CNTN5: variants seen among roughly 807,000 people sequenced by gnomAD.
CNTN5 encodes the protein contactin 5, also known as contactin-5.
A neutral mutation model predicts 129.1 loss-of-function variants in CNTN5; 77 were observed. The observed-to-expected ratio is 0.60, with a 90% confidence interval of 0.50 to 0.72. The LOEUF (loss-of-function observed/expected upper bound fraction) is 0.72, where lower values mean the gene tolerates loss of function less well. Among genes scored for constraint, CNTN5 ranks in the 30% least tolerant of loss-of-function variants. The pLI is 0.00. For missense variants in CNTN5, 1,478 were observed against 1,328.8 expected (o/e 1.11, Z -1.75); for synonymous variants, 509 against 465.6 (o/e 1.09, Z -1.20).
intron 2 of CNTN5, among the ~76,000 whole-genome samples, chr11:99,325,759 G>A (rs992414699): frequency 2.0e-5 from 3 of 152,244 alleles, no homozygotes; most frequent in South Asian, 4.1e-4. Flanking sequence ...TTGATATGAG[G>A]ATGGCAAGTA....
chr11:100,160,304 G>C (rs370136932), intron 13 of CNTN5, among the ~76,000 whole-genome samples: 1 of 151,806 alleles, frequency 6.6e-6, no homozygotes, highest in African/African-American at 2.4e-5. Context: ...CCACATTTTC[G>C]TTATCCAGTC....
chr11:100,021,866 C>G (rs1941170493), intron 9 of CNTN5, among the ~76,000 whole-genome samples: 1 of 152,116 alleles, frequency 6.6e-6, no homozygotes, highest in African/African-American at 2.4e-5. Flanking sequence ...CGTGTAGGAA[C>G]AAGAGTTAAA....
At chr11:99,060,194 A>G (rs567999539) in intron 1 of CNTN5, among the ~76,000 whole-genome samples, 18 of 152,136 alleles carry the variant, frequency 1.2e-4, no homozygotes, top group African/African-American at 4.3e-4. Flanking sequence ...GAAATATGGA[A>G]TTTTATTTTG....
chr11:100,282,974 C>T (rs1277794640), intron 18 of CNTN5, among the ~76,000 whole-genome samples: 1 of 151,964 alleles, frequency 6.6e-6, no homozygotes, highest in African/African-American at 2.4e-5. Context: ...AGAACTCACC[C>T]TTCAGGGCAA....
intron 15 of CNTN5, among the ~76,000 whole-genome samples, chr11:100,218,406 G>A (rs981544468): frequency 1.3e-5 from 2 of 152,162 alleles, no homozygotes; most frequent in African/African-American, 2.4e-5. Context: ...CCAGCTCCTC[G>A]ATATTTATCT....
At chr11:100,103,784 T>C (rs766473264) in intron 13 of CNTN5, among the ~76,000 whole-genome samples, 1 of 152,108 alleles carries the variant, frequency 6.6e-6, no homozygotes, top group Non-Finnish European at 1.5e-5. Flanking sequence ...CCTCTTCAGT[T>C]TGGGGGAAAT....
intron 1 of CNTN5, among the ~76,000 whole-genome samples, chr11:99,039,010 A>G (rs10892672): frequency 0.35 from 52,754 of 151,850 alleles, 10,917 homozygotes; most frequent in East Asian, 0.56. Flanking sequence ...CTAAAATGTC[A>G]TATTTCTGTA....
chr11:99,135,996 G>T (rs2135448074), intron 1 of CNTN5, among the ~76,000 whole-genome samples: 1 of 152,218 alleles, frequency 6.6e-6, no homozygotes, highest in African/African-American at 2.4e-5. Flanking sequence ...TTTTTCATTA[G>T]ATTGTAAAAA....
Position 100,125,936 on chromosome 11 carries a change from T to C in CNTN5, c.1580+51642T>C, listed in dbSNP as rs182457077. On this transcript the variant is annotated intron_variant, in intron 13 of 24. Coordinates refer to ENST00000524871, the MANE Select transcript of CNTN5 (RefSeq NM_014361.4). ...AGCTTTCTATTTTTTGAGGTAGATATGCAGCACTATAAACCTTCCTCTTAA... is the reference window on the plus strand; with the variant it reads ...AGCTTTCTATTTTTTGAGGTAGATACGCAGCACTATAAACCTTCCTCTTAA... 9.2e-5 allele frequency among the ~76,000 whole-genome samples: 14 copies of C among 152,262 alleles called. No individual in the cohort carries two copies. In the East Asian group the frequency reaches 2.5e-3, roughly 27 times the overall value.
At chr11:100,315,837 A>G (rs1024345048) in intron 21 of CNTN5, among the ~76,000 whole-genome samples, 4 of 152,204 alleles carry the variant, frequency 2.6e-5, no homozygotes, top group African/African-American at 9.6e-5. Context: ...ATTTTATGGT[A>G]GCAGGGACTA....
intron 4 of CNTN5, among the ~76,000 whole-genome samples, chr11:99,827,891 T>C (rs1261623445): frequency 1.3e-5 from 2 of 152,148 alleles, no homozygotes; most frequent in African/African-American, 4.8e-5. Context: ...TAGAATAGGA[T>C]TACTACTGTG....
At chr11:100,037,857 CT>C (rs1404753648) in intron 9 of CNTN5, among the ~76,000 whole-genome samples, 1 of 152,056 alleles carries the variant, frequency 6.6e-6, no homozygotes, top group African/African-American at 2.4e-5. Context: ...ATTCTTCTCT[CT>C]TTTTTTCTTT....
chr11:99,389,636 G>A (rs1174561648), intron 2 of CNTN5, among the ~76,000 whole-genome samples: 2 of 152,044 alleles, frequency 1.3e-5, no homozygotes, highest in Admixed American at 1.3e-4. Context: ...TCCCAAATGT[G>A]CAAATAAAAC....
intron 3 of CNTN5, among the ~76,000 whole-genome samples, chr11:99,730,251 T>G (rs1465067777): frequency 6.6e-6 from 1 of 152,180 alleles, no homozygotes; most frequent in Non-Finnish European, 1.5e-5. Context: ...GGCTTCTGAT[T>G]CTAGCAGAGC....
intron 18 of CNTN5, among the ~76,000 whole-genome samples, chr11:100,276,680 G>A (rs192009427): frequency 2.8e-4 from 42 of 151,880 alleles, no homozygotes; most frequent in Non-Finnish European, 4.6e-4. Flanking sequence ...TTTAATTTAT[G>A]TGGGTATACA....
intron 1 of CNTN5, among the ~76,000 whole-genome samples, chr11:99,042,729 C>T (rs1022925883): frequency 1.3e-5 from 2 of 152,092 alleles, no homozygotes; most frequent in Non-Finnish European, 2.9e-5. Flanking sequence ...ATTTAGCAAG[C>T]AGTACAATGC....
intron 1 of CNTN5, among the ~76,000 whole-genome samples, chr11:99,164,546 C>A (rs944403660): frequency 2.6e-5 from 4 of 152,086 alleles, no homozygotes; most frequent in Non-Finnish European, 5.9e-5. Flanking sequence ...TTACGTAGTA[C>A]AATTCTGCTC....
chr11:100,061,718 C>A (rs2137809839), intron 10 of CNTN5, among the ~76,000 whole-genome samples: 1 of 152,202 alleles, frequency 6.6e-6, no homozygotes, highest in South Asian at 2.1e-4. Flanking sequence ...TACAACTTGG[C>A]CAGAATCAGA....
intron 2 of CNTN5, among the ~76,000 whole-genome samples, chr11:99,333,719 T>G (rs889588484): frequency 6.6e-6 from 1 of 152,050 alleles, no homozygotes; most frequent in Non-Finnish European, 1.5e-5. Flanking sequence ...AATCATATTC[T>G]AAGATTTCAA....
Sources: gnomAD v4.1 joint callset for allele counts (sites outside exome capture counted in the v4.1 genomes callset) on GRCh38, gnomAD v4.1.1 for gene constraint, MANE v1.5 for transcripts, NCBI Gene and HGNC (gene_info 2026-07-23, HGNC 2026-07-21) for gene names.